Variants in DOCK8 observed in about 807,000 individuals in gnomAD.
The protein encoded by DOCK8 is dedicator of cytokinesis 8.
DOCK8 carries 141 observed loss-of-function variants against 245.6 expected under a neutral mutation model. The observed-to-expected ratio is 0.57, with a 90% CI of 0.50 to 0.66. The LOEUF (loss-of-function observed/expected upper bound fraction) is 0.66, where lower values mean the gene tolerates loss of function less well. DOCK8 is among the 30% of genes least tolerant of loss of function. DOCK8 has a pLI of 0.00. For missense variants in DOCK8, 2,965 were observed against 2,603.4 expected (o/e 1.14, Z -3.02); for synonymous variants, 1,168 against 970.2 (o/e 1.20, Z -3.79).
intron 7 of DOCK8, among the ~76,000 whole-genome samples, chr9:317,882 G>C (rs184233991): frequency 1.3e-5 from 2 of 151,504 alleles, no homozygotes; most frequent in Non-Finnish European, 2.9e-5. Context: ...ATTAAAACAC[G>C]ACTACAGTCT....
At chr9:300,388 T>C (rs1586638482) in intron 4 of DOCK8, among the ~76,000 whole-genome samples, 1 of 151,776 alleles carries the variant, frequency 6.6e-6, no homozygotes, top group East Asian at 1.9e-4. Flanking sequence ...AGCTTGGTGG[T>C]TTTTCTATAG....
intron 2 of DOCK8, 73 bp downstream of exon 2, chr9:271,802 G>C: frequency 9.9e-7 from 1 of 1,006,858 alleles, no homozygotes; most frequent in Middle Eastern, 2.0e-4. Flanking sequence ...TTTGCCTCCT[G>C]TTCCTTAGAT....
chr9:264,914 T>C (rs1342346098), intron 1 of DOCK8, among the ~76,000 whole-genome samples: 1 of 152,134 alleles, frequency 6.6e-6, no homozygotes, highest in Admixed American at 6.6e-5. Context: ...TGCAACAAAT[T>C]TTTAAACCTT....
chr9:360,100 G>A (rs983866967), intron 14 of DOCK8, among the ~76,000 whole-genome samples: 4 of 152,168 alleles, frequency 2.6e-5, no homozygotes, highest in African/African-American at 9.6e-5. Flanking sequence ...CGGATCACTT[G>A]AGGTCAGGAG....
At chr9:226,908 A>G (rs530148070) in intron 1 of DOCK8, among the ~76,000 whole-genome samples, 22 of 152,348 alleles carry the variant, frequency 1.4e-4, no homozygotes, top group African/African-American at 4.8e-4. Flanking sequence ...TATGATTTTG[A>G]TAAGTTTTTA....
At chr9:336,376 C>G (rs1352395767) in intron 11 of DOCK8, among the ~76,000 whole-genome samples, 1 of 152,220 alleles carries the variant, frequency 6.6e-6, no homozygotes, top group Non-Finnish European at 1.5e-5. Flanking sequence ...CCTGGCCTCT[C>G]TCCTCTGGTC....
Position 369,202 on chromosome 9 carries a change from A to T in DOCK8, c.1798-1028A>T, listed in dbSNP as rs1036237259. ...AAAAAAACCTTTCTCCTAACGTCCC[A>T]CCTGTCTTCCCAATGCAAGGTGTCT... is the stretch of plus-strand genomic sequence containing the variant. On this transcript the variant is annotated intron_variant, in intron 15 of 47. Coordinates refer to ENST00000432829, the MANE Select transcript of DOCK8 (RefSeq NM_203447.4). 63 of 151,972 alleles carry T rather than the reference A, an allele frequency of 4.1e-4. 1 individual carries two copies. Among genetic ancestry groups the T allele is most frequent in the African/African-American group, 1.5e-3 (61 of 41,484 alleles). 9.4% of individuals were successfully genotyped at this position (151,972 alleles called of 1,614,324 possible).
intron 4 of DOCK8, among the ~76,000 whole-genome samples, chr9:291,507 A>G (rs2049037543): frequency 6.6e-6 from 1 of 152,176 alleles, no homozygotes; most frequent in Non-Finnish European, 1.5e-5. Context: ...TTCACAGTAA[A>G]GAGTGATTCT....
At chr9:369,109 A>T (rs1035351055) in intron 15 of DOCK8, 1 of 151,804 alleles carries the variant, frequency 6.6e-6, no homozygotes, top group African/African-American at 2.4e-5. Context: ...CGCAGTTAAT[A>T]TACCTTTCTA....
intron 1 of DOCK8, among the ~76,000 whole-genome samples, chr9:228,577 T>C: frequency 6.6e-6 from 1 of 152,152 alleles, no homozygotes; most frequent in Non-Finnish European, 1.5e-5. Flanking sequence ...CTCCCCAACA[T>C]TTTTCAGGGG....
intron 28 of DOCK8, among the ~76,000 whole-genome samples, chr9:412,244 A>T (rs2055765715): frequency 1.3e-5 from 2 of 152,056 alleles, no homozygotes; most frequent in Non-Finnish European, 2.9e-5. Flanking sequence ...TCTCTACAAG[A>T]AATACAAAAA....
chr9:441,686 G>T (rs1375243973), intron 41 of DOCK8, among the ~76,000 whole-genome samples, 189 bp from the exon 42 acceptor site: 1 of 152,170 alleles, frequency 6.6e-6, no homozygotes, highest in East Asian at 1.9e-4. Context: ...TCTTTCATGG[G>T]ATTCCTTTTG....
intron 15 of DOCK8, 57 bp downstream of exon 15, chr9:368,192 C>A (rs758796075): frequency 6.5e-6 from 9 of 1,393,034 alleles, no homozygotes; most frequent in Non-Finnish European, 9.2e-6. Flanking sequence ...ACCCCTGTCA[C>A]TTCACACAAG....
intron 2 of DOCK8, among the ~76,000 whole-genome samples, chr9:278,034 G>T (rs546800292): frequency 6.6e-6 from 1 of 152,184 alleles, no homozygotes; most frequent in East Asian, 1.9e-4. Flanking sequence ...GCTATTCTTA[G>T]GTTTCACTGA....
intron 30 of DOCK8, among the ~76,000 whole-genome samples, chr9:418,464 C>T (rs199570580): frequency 7.9e-5 from 12 of 152,024 alleles, no homozygotes; most frequent in Admixed American, 2.0e-4. Context: ...GACGGGGTTT[C>T]GCCATGTTGG....
intron 46 of DOCK8, among the ~76,000 whole-genome samples, chr9:461,262 C>G (rs1162026260): frequency 6.6e-6 from 1 of 152,090 alleles, no homozygotes; most frequent in East Asian, 1.9e-4. Flanking sequence ...ATTTATATCT[C>G]TCTTCAACTC....
intron 1 of DOCK8, among the ~76,000 whole-genome samples, chr9:234,224 C>G (rs1245103542): frequency 6.6e-6 from 1 of 152,120 alleles, no homozygotes; most frequent in African/African-American, 2.4e-5. Flanking sequence ...GAATATTGGC[C>G]CCCACTCTCT....
At chr9:422,984 CAA>C (rs56034723) in intron 33 of DOCK8, among the ~76,000 whole-genome samples, 106 of 102,762 alleles carry the variant, frequency 1.0e-3, no homozygotes, top group South Asian at 5.1e-3. Context: ...GACTCCATCT[CAA>C]AAAAAAAAAA....
At chr9:249,334 G>T (rs1397539250) in intron 1 of DOCK8, among the ~76,000 whole-genome samples, 1 of 152,164 alleles carries the variant, frequency 6.6e-6, no homozygotes, top group Non-Finnish European at 1.5e-5. Flanking sequence ...GCCTACCTCT[G>T]ACCACAGCCT....
Sources: allele counts gnomAD v4.1 joint callset (sites outside exome capture counted in the v4.1 genomes callset), GRCh38; gene constraint gnomAD v4.1.1; transcripts MANE v1.5; gene names NCBI Gene and HGNC (gene_info 2026-07-23, HGNC 2026-07-21).